Variants in CCDC178 observed in about 807,000 individuals in gnomAD.
The protein encoded by CCDC178 is coiled-coil domain containing 178.
A neutral mutation model predicts 117.4 loss-of-function variants in CCDC178; 126 were observed. That is an observed-to-expected ratio of 1.07 (90% CI 0.93 to 1.24). The LOEUF (loss-of-function observed/expected upper bound fraction) is 1.24. CCDC178 is among the 50% of genes most tolerant of loss of function. CCDC178 has a pLI of 0.00. For synonymous variants in CCDC178, 283 were observed against 313.4 expected, an observed-to-expected ratio of 0.90 and a Z score of 1.02; for missense variants, 1,030 against 986.9, an observed-to-expected ratio of 1.04 and a Z score of -0.59.
chr18:33,036,987 A>G (rs1287032322), intron 21 of CCDC178, among the ~76,000 whole-genome samples: 1 of 151,950 alleles, frequency 6.6e-6, no homozygotes, highest in Non-Finnish European at 1.5e-5. Context: ...TGAAAGAAGG[A>G]GAGTCTTGAA....
chr18:32,962,158 T>C (rs1365551462), intron 22 of CCDC178, among the ~76,000 whole-genome samples: 2 of 152,030 alleles, frequency 1.3e-5, no homozygotes, highest in East Asian at 3.9e-4. Context: ...TATTTAAGAC[T>C]TGCACCACAA....
At chr18:33,303,661 A>G (rs1228284141) in intron 11 of CCDC178, among the ~76,000 whole-genome samples, 1 of 151,598 alleles carries the variant, frequency 6.6e-6, no homozygotes, top group Non-Finnish European at 1.5e-5. Flanking sequence ...CTGCTCAAAA[A>G]CATAAAGTCT....
At chr18:33,245,178 A>G (rs534071900) in intron 15 of CCDC178, 67 bp downstream of exon 15, 4 of 1,322,354 alleles carry the variant, frequency 3.0e-6, no homozygotes, top group African/African-American at 3.0e-5. Flanking sequence ...TCAAGATGAA[A>G]TCGATACAAT....
chr18:33,284,235 C>T (rs2060068443), intron 12 of CCDC178, among the ~76,000 whole-genome samples: 1 of 152,044 alleles, frequency 6.6e-6, no homozygotes, highest in Admixed American at 6.6e-5. Flanking sequence ...AGGGGAACAA[C>T]ACACATTGGG....
At chr18:33,253,181 T>C (rs2059636820) in intron 14 of CCDC178, among the ~76,000 whole-genome samples, 1 of 151,810 alleles carries the variant, frequency 6.6e-6, no homozygotes, top group Non-Finnish European at 1.5e-5. Flanking sequence ...TCATCATCGT[T>C]GTCACAAAAA....
intron 12 of CCDC178, among the ~76,000 whole-genome samples, chr18:33,277,109 T>A (rs2059960441): frequency 6.6e-6 from 1 of 152,056 alleles, no homozygotes; most frequent in Non-Finnish European, 1.5e-5. Flanking sequence ...TATTAACCAA[T>A]GTAATCAGAT....
intron 11 of CCDC178, among the ~76,000 whole-genome samples, chr18:33,309,163 C>CA (rs1346715432): frequency 2.2e-5 from 3 of 136,252 alleles, no homozygotes; most frequent in East Asian, 2.1e-4. Flanking sequence ...TGAACATAGC[C>CA]AAAAATAAGC....
intron 6 of CCDC178, among the ~76,000 whole-genome samples, chr18:33,368,770 A>T (rs2063255546): frequency 6.6e-6 from 1 of 151,956 alleles, no homozygotes; most frequent in Admixed American, 6.6e-5. Flanking sequence ...TAGTTTTGTA[A>T]GGTCTAAGAG....
intron 20 of CCDC178, among the ~76,000 whole-genome samples, chr18:33,179,085 A>ATATATATATATATATATATATATAAAC (rs1395596971): frequency 2.1e-3 from 202 of 96,724 alleles, no homozygotes; most frequent in Non-Finnish European, 3.5e-3. Context: ...AAAAATATAT[A>ATATATATATATATATATATATATAAAC]TATATATATA....
chr18:33,321,351 G>T (rs994101901), intron 11 of CCDC178, among the ~76,000 whole-genome samples: 1 of 151,972 alleles, frequency 6.6e-6, no homozygotes, highest in Non-Finnish European at 1.5e-5. Context: ...TCTGACAAAG[G>T]GCTAATATCC....
intron 21 of CCDC178, among the ~76,000 whole-genome samples, chr18:32,981,251 AAAT>A (rs2055148642): frequency 6.6e-6 from 1 of 152,190 alleles, no homozygotes; most frequent in African/African-American, 2.4e-5. Context: ...AAAATCTTAC[AAAT>A]AATACTTTTT....
At chr18:33,325,790 C>T (rs1290160662) in intron 10 of CCDC178, among the ~76,000 whole-genome samples, 1 of 152,116 alleles carries the variant, frequency 6.6e-6, no homozygotes, top group Non-Finnish European at 1.5e-5. Flanking sequence ...TCTTACAACG[C>T]ATCTTTTGAA....
At chr18:33,074,372 C>T (rs886235698) in intron 21 of CCDC178, among the ~76,000 whole-genome samples, 1 of 152,078 alleles carries the variant, frequency 6.6e-6, no homozygotes, top group African/African-American at 2.4e-5. Context: ...TAACTACTCC[C>T]GCGACTTCCA....
chr18:33,036,532 G>A (rs1212350844), intron 21 of CCDC178, among the ~76,000 whole-genome samples: 1 of 151,880 alleles, frequency 6.6e-6, no homozygotes, highest in Non-Finnish European at 1.5e-5. Context: ...TTTGCACTGA[G>A]CCTCAAAGGA....
At chr18:32,946,677 CAA>C (rs2054357510) in intron 22 of CCDC178, among the ~76,000 whole-genome samples, 1 of 147,738 alleles carries the variant, frequency 6.8e-6, no homozygotes, top group Admixed American at 6.7e-5. Flanking sequence ...TAATTATTAA[CAA>C]ATACAGGGAG....
intron 21 of CCDC178, among the ~76,000 whole-genome samples, chr18:33,089,625 A>G (rs2057432583): frequency 1.3e-5 from 2 of 152,182 alleles, no homozygotes; most frequent in African/African-American, 4.8e-5. Flanking sequence ...ATATTTTAAC[A>G]CATTTTGGAA....
At chr18:32,948,785 G>T (rs958853333) in intron 22 of CCDC178, among the ~76,000 whole-genome samples, 5 of 152,010 alleles carry the variant, frequency 3.3e-5, no homozygotes, top group Admixed American at 2.6e-4. Flanking sequence ...TCATTTAAAG[G>T]TGTTTTAAAA....
chr18:33,152,948 C>T (rs1598937451), intron 20 of CCDC178, among the ~76,000 whole-genome samples: 1 of 148,962 alleles, frequency 6.7e-6, no homozygotes, highest in Non-Finnish European at 1.5e-5. Context: ...CAGACTGGAG[C>T]AGAAAAGAGA....
intron 20 of CCDC178, among the ~76,000 whole-genome samples, chr18:33,158,992 C>A (rs576113413): frequency 6.6e-6 from 1 of 152,110 alleles, no homozygotes; most frequent in East Asian, 1.9e-4. Flanking sequence ...ATGAGGACAG[C>A]CTCGTTGTCA....
Sources: allele counts gnomAD v4.1 joint callset (sites outside exome capture counted in the v4.1 genomes callset), GRCh38; gene constraint gnomAD v4.1.1; transcripts MANE v1.5; gene names NCBI Gene and HGNC (gene_info 2026-07-23, HGNC 2026-07-21).